The following DAPK3 variants were observed in gnomAD, a reference collection of about 807,000 sequenced individuals.
The protein encoded by DAPK3 is death-associated protein kinase 3.
Under a neutral mutation model 30.6 loss-of-function variants are expected in DAPK3, and 24 were observed. The ratio of observed to expected loss-of-function variants is 0.78; its 90% confidence interval spans 0.57 to 1.10. The LOEUF (loss-of-function observed/expected upper bound fraction) is 1.10. Among genes scored for constraint, DAPK3 ranks in the 50% least tolerant of loss-of-function variants. DAPK3 has a pLI of 0.00. For synonymous variants in DAPK3, 341 were observed against 284.0 expected (o/e 1.20, Z -2.02); for missense variants, 629 against 657.3 (o/e 0.96, Z 0.47).
chr19:3,964,016 A>G, intron 4 of DAPK3, 97 bp from the exon 5 acceptor site: 1 of 899,428 alleles, frequency 1.1e-6, no homozygotes, highest in Non-Finnish European at 1.8e-6. Flanking sequence ...CACATGTCGC[A>G]GCCCTTGGGG....
At position 3,959,539 on chromosome 19, in the gene DAPK3, C is replaced by A; in HGVS notation, c.927G>T (p.Ser309=). The A allele has an allele frequency of 1.3e-6, 2 of 1,576,612 alleles. No individual in the cohort carries two copies. Among genetic ancestry groups the A allele is most frequent in the Non-Finnish European group, 1.7e-6 (2 of 1,169,848 alleles). Residue 309 remains serine, a synonymous_variant, in exon 9 of 9, where the codon TCG becomes TCT. Transcript: ENST00000545797. ...TGTTGTTGGGCGGCAAGCTGGAGTG[C>A]GACTTGATGGTGTACTCCTTCAGAC... ...TTRLKEYTIK[S]HSSLPPNNSY... is the part of the protein sequence containing the mutation.
Position 3,960,079 on chromosome 19 carries a change from G to T in DAPK3, c.808C>A (p.Leu270Met). ...CTTACCTTAATCCAGGAATGTTCCAGGCTCTGGGCAATGGTCATTCTCCGC... is the reference window on the plus strand; with the variant it reads ...CTTACCTTAATCCAGGAATGTTCCATGCTCTGGGCAATGGTCATTCTCCGC... ...PKRRMTIAQS[L>M]EHSWIKAIRR... Residue 270 changes from leucine to methionine, a missense_variant, in exon 8 of 9, where the codon CTG (leucine) becomes ATG (methionine). Transcript: ENST00000545797. 6.4e-7 allele frequency: 1 copy of T among 1,571,436 alleles called. No homozygotes were observed. The highest frequency in any genetic ancestry group is 8.8e-7 in the Non-Finnish European group (1 of 1,141,382).
rs1321163349 is a variant in DAPK3, at chr19:3,959,503, G to A, written c.963C>T (p.Asp321=). 6.4e-7 allele frequency: 1 copy of A among 1,561,328 alleles called. No homozygotes were observed. Among genetic ancestry groups the A allele is most frequent in the Admixed American group, 1.9e-5 (1 of 53,734 alleles). The change falls in exon 9 of 9, where the codon GAC becomes GAT. Residue 321 remains aspartate, a synonymous_variant. Coordinates refer to ENST00000545797, the MANE Select transcript of DAPK3 (RefSeq NM_001348.3). ...SSLPPNNSYA[D]FERFSKVLEE... ...CCAGCACCTTGGAGAAGCGCTCGAA[G>A]TCGGCGTAGCTGTTGTTGGGCGGCA...
At chr19:3,964,409 G>A (rs769049370) in intron 3 of DAPK3, 36 bp from the exon 4 acceptor site, 2 of 1,589,576 alleles carry the variant, frequency 1.3e-6, no homozygotes, top group Non-Finnish European at 1.7e-6. Context: ...GAAAGCACGG[G>A]CCTCCCCCAC....
intron 3 of DAPK3, 25 bp from the exon 4 acceptor site, chr19:3,964,398 G>A (rs749974528): frequency 6.2e-7 from 1 of 1,602,420 alleles, no homozygotes; most frequent in Non-Finnish European, 8.5e-7. Context: ...GGCTCAGCAG[G>A]GAAAGCACGG....
chr19:3,963,151 T>C (rs1281885407), intron 6 of DAPK3, among the ~76,000 whole-genome samples: 1 of 150,090 alleles, frequency 6.7e-6, no homozygotes, highest in African/African-American at 2.4e-5. Context: ...TGTGCACATG[T>C]AGTCCCAGGT....
At position 3,963,089 on chromosome 19, in the gene DAPK3, G is replaced by A. The variant is rs139308848; in HGVS notation, c.629+554C>T. Among the ~76,000 whole-genome samples the A allele has an allele frequency of 8.1e-3, 1,145 of 140,840 alleles. 19 individuals carry two copies. Among genetic ancestry groups the A allele is most frequent in the African/African-American group, 0.028 (1,092 of 39,630 alleles). 92.4% of individuals were successfully genotyped at this position (140,840 alleles called of 152,430 possible). ...CACTGCACTCCAACCTGGACAACAA[G>A]AGCAAAACTCCATCAAAAAAAAAAA... On this transcript the variant is annotated intron_variant, in intron 6 of 8. Coordinates refer to ENST00000545797, the MANE Select transcript of DAPK3 (RefSeq NM_001348.3).
At chr19:3,964,562 G>A (rs983695944) in intron 3 of DAPK3, 69 bp downstream of exon 3, 2 of 1,370,360 alleles carry the variant, frequency 1.5e-6, no homozygotes, top group Non-Finnish European at 1.9e-6. Context: ...GTGCCTTCCA[G>A]GCTCTTCCCC....
At chr19:3,964,178 C>T in intron 4 of DAPK3, 66 bp downstream of exon 4, 1 of 1,405,022 alleles carries the variant, frequency 7.1e-7, no homozygotes, top group African/African-American at 1.4e-5. Flanking sequence ...TGACCCACCC[C>T]ACGCACAGCA....
In DAPK3 at chr19:3,959,240, A is replaced by G. The variant is rs2145327047; in HGVS notation, c.1226T>C (p.Leu409Pro). The change falls in exon 9 of 9, where the codon CTC (leucine) becomes CCC (proline). Residue 409 changes from leucine to proline, a missense_variant. Coordinates refer to ENST00000545797, the MANE Select transcript of DAPK3 (RefSeq NM_001348.3). ...CTCCAGGCGGCTGAAGCGGCGCTTG[A>G]GGCCGCTGGTCCCCAGCAGCGCGCC... ...AKGALLGTSG[L>P]KRRFSRLENR... The G allele has an allele frequency of 6.2e-7, 1 of 1,600,256 alleles. No individual in the cohort carries two copies. The highest frequency in any genetic ancestry group is 8.5e-7 in the Non-Finnish European group (1 of 1,178,342).
At chr19:3,965,231 G>A (rs956581475) in intron 2 of DAPK3, among the ~76,000 whole-genome samples, 1 of 152,274 alleles carries the variant, frequency 6.6e-6, no homozygotes, top group Non-Finnish European at 1.5e-5. Flanking sequence ...CCCAGCAGGT[G>A]TGTGGAGGGG....
chr19:3,963,844 C>T (rs768172200), intron 5 of DAPK3, 27 bp downstream of exon 5: 1 of 1,512,372 alleles, frequency 6.6e-7, no homozygotes, highest in Non-Finnish European at 9.2e-7. Context: ...TGCAGGGAGG[C>T]CCGGTGGGAG....
intron 2 of DAPK3, 127 bp from the exon 3 acceptor site, chr19:3,965,118 G>C: frequency 1.6e-6 from 1 of 623,162 alleles, no homozygotes; most frequent in East Asian, 2.7e-5. Context: ...TGAAGGACAT[G>C]AGCTGGCCAC....
chr19:3,965,573 G>C (rs1299722138), intron 2 of DAPK3, among the ~76,000 whole-genome samples: 1 of 152,126 alleles, frequency 6.6e-6, no homozygotes, highest in East Asian at 1.9e-4. Context: ...AACTGAGATT[G>C]TGCCACTGTA....
rs753522344 is a variant in DAPK3, at chr19:3,959,398, C to T, written c.1068G>A (p.Leu356=). ...RRLCHEDVEA[L]AAIYEEKEAW... is the part of the protein sequence containing the mutation. Reference sequence around the variant, plus strand: ...CCTCCTTCTCCTCGTAGATGGCGGCCAGCGCCTCCACGTCCTCGTGGCAGA... The same window carrying T: ...CCTCCTTCTCCTCGTAGATGGCGGCTAGCGCCTCCACGTCCTCGTGGCAGA... Residue 356 remains leucine, a synonymous_variant, in exon 9 of 9, where the codon CTG becomes CTA. Coordinates refer to ENST00000545797, the MANE Select transcript of DAPK3 (RefSeq NM_001348.3). 2.6e-6 allele frequency: 4 copies of T among 1,568,152 alleles called. No homozygotes were observed. Among genetic ancestry groups the T allele is most frequent in the East Asian group, 4.6e-5 (2 of 43,348 alleles).
chr19:3,962,646 A>C (rs1170437334), intron 6 of DAPK3, among the ~76,000 whole-genome samples: 2 of 151,998 alleles, frequency 1.3e-5, no homozygotes, highest in Non-Finnish European at 2.9e-5. Flanking sequence ...GCATGGTGGC[A>C]GGCACCTGTA....
At chr19:3,960,986 T>C (rs1299975321) in intron 7 of DAPK3, 23 bp downstream of exon 7, 1 of 1,611,426 alleles carries the variant, frequency 6.2e-7, no homozygotes, top group Admixed American at 1.7e-5. Flanking sequence ...TCCCACCCCG[T>C]GCCCCCTGCC....
At chr19:3,964,578 A>AACCC in intron 3 of DAPK3, 53 bp downstream of exon 3, 1 of 530,264 alleles carries the variant, frequency 1.9e-6, no homozygotes, top group Non-Finnish European at 2.8e-6. Flanking sequence ...TCCCCGCCCC[A>AACCC]TCCCCACCCC....
In DAPK3 at chr19:3,961,033, C is replaced by T. The variant is rs745312042; in HGVS notation, c.758G>A (p.Arg253His). 1.9e-6 allele frequency: 3 copies of T among 1,613,578 alleles called. No homozygotes were observed. Among genetic ancestry groups the T allele is most frequent in the Non-Finnish European group, 2.5e-6 (3 of 1,179,910 alleles). The stretch of plus-strand genomic sequence containing the variant: ...CTTGGGATCTTTGACGAGCAGCCGG[C>T]GAATGAAGTCCTTGGCCAGCTCGCT... ...NTSELAKDFI[R>H]RLLVKDPKRR... Residue 253 changes from arginine (R) to histidine (H), a missense_variant, in exon 7 of 9, where the codon CGC becomes CAC. Coordinates refer to ENST00000545797, the MANE Select transcript of DAPK3 (RefSeq NM_001348.3).
Sources: gnomAD v4.1 joint callset for allele counts (sites outside exome capture counted in the v4.1 genomes callset) on GRCh38, gnomAD v4.1.1 for gene constraint, MANE v1.5 for transcripts, NCBI Gene and HGNC (gene_info 2026-07-23, HGNC 2026-07-21) for gene names.